Variants in CLEC16A observed in about 807,000 individuals in gnomAD.
The protein encoded by CLEC16A is C-type lectin domain containing 16A.
A neutral mutation model predicts 109.5 loss-of-function variants in CLEC16A; 51 were observed. That is an observed-to-expected ratio of 0.47 (90% CI 0.37 to 0.59). The LOEUF is 0.59. Among genes scored for constraint, CLEC16A ranks in the 20% least tolerant of loss-of-function variants. CLEC16A has a pLI of 0.00. For missense variants in CLEC16A, 1,339 were observed against 1,394.0 expected (o/e 0.96, Z 0.63); for synonymous variants, 673 against 564.2 (o/e 1.19, Z -2.73).
At chr16:11,093,952 G>C (rs2050458212) in intron 19 of CLEC16A, among the ~76,000 whole-genome samples, 1 of 152,208 alleles carries the variant, frequency 6.6e-6, no homozygotes, top group Non-Finnish European at 1.5e-5. Context: ...GGCTTGGTTA[G>C]AAGGGAGGAC....
chr16:10,946,647 A>G (rs1345885057), intron 1 of CLEC16A, among the ~76,000 whole-genome samples: 2 of 152,154 alleles, frequency 1.3e-5, no homozygotes, highest in African/African-American at 2.4e-5. Flanking sequence ...GCCGGCATCC[A>G]GGTACCTCCA....
chr16:11,022,379 C>G (rs558135652), intron 12 of CLEC16A, among the ~76,000 whole-genome samples: 121 of 120,330 alleles, frequency 1.0e-3, no homozygotes, highest in African/African-American at 3.8e-3. Context: ...CAGGATCCTA[C>G]TATGTTGCTC....
intron 13 of CLEC16A, chr16:11,027,587 C>A: frequency 6.4e-7 from 1 of 1,556,796 alleles, no homozygotes; most frequent in South Asian, 1.1e-5. Flanking sequence ...TGGAAGACCT[C>A]ATTCATGAAA....
chr16:11,142,214 A>G (rs906223561), intron 22 of CLEC16A, among the ~76,000 whole-genome samples: 3 of 152,208 alleles, frequency 2.0e-5, no homozygotes, highest in Non-Finnish European at 4.4e-5. Context: ...CTGCTAGGCC[A>G]TCGGACCCCC....
intron 22 of CLEC16A, among the ~76,000 whole-genome samples, chr16:11,155,082 T>C (rs934392330): frequency 3.9e-5 from 6 of 152,044 alleles, no homozygotes; most frequent in African/African-American, 1.4e-4. Flanking sequence ...GCCGGGATCA[T>C]GCCACTGCAC....
chr16:11,045,300 A>G (rs992967860), intron 16 of CLEC16A, among the ~76,000 whole-genome samples: 1 of 152,174 alleles, frequency 6.6e-6, no homozygotes, highest in Non-Finnish European at 1.5e-5. Context: ...GTGAGCTGAG[A>G]TCGCGCCACT....
intron 10 of CLEC16A, among the ~76,000 whole-genome samples, chr16:10,985,160 G>A (rs867253630): frequency 6.2e-4 from 87 of 139,872 alleles, no homozygotes; most frequent in African/African-American, 2.3e-3. Flanking sequence ...CTGAGATTGC[G>A]CCACTGCACT....
chr16:11,152,515 A>G (rs17763452), intron 22 of CLEC16A, among the ~76,000 whole-genome samples: 13,377 of 152,338 alleles, frequency 0.088, 618 homozygotes, highest in East Asian at 0.12. Context: ...GGTCCAGGAC[A>G]TTGACATCTG....
At chr16:11,080,964 T>C (rs568477074) in intron 19 of CLEC16A, among the ~76,000 whole-genome samples, 58 of 152,346 alleles carry the variant, frequency 3.8e-4, no homozygotes, top group African/African-American at 1.3e-3. Flanking sequence ...TGGGCATCTT[T>C]GGGGGCTATT....
At chr16:10,969,574 C>T (rs537655093) in intron 4 of CLEC16A, among the ~76,000 whole-genome samples, 1 of 152,274 alleles carries the variant, frequency 6.6e-6, no homozygotes, top group East Asian at 1.9e-4. Context: ...CCTTGAACTT[C>T]CGGGGCACAA....
intron 19 of CLEC16A, among the ~76,000 whole-genome samples, chr16:11,082,832 G>C (rs1232153724): frequency 6.6e-6 from 1 of 152,202 alleles, no homozygotes; most frequent in East Asian, 1.9e-4. Flanking sequence ...GTTTAGTTGT[G>C]TGTGGGCGTG....
At chr16:11,114,239 A>T (rs2051815102) in intron 19 of CLEC16A, among the ~76,000 whole-genome samples, 1 of 151,182 alleles carries the variant, frequency 6.6e-6, no homozygotes, top group African/African-American at 2.4e-5. Flanking sequence ...GCCTATGCAA[A>T]TCCTTCACGT....
intron 22 of CLEC16A, among the ~76,000 whole-genome samples, chr16:11,162,895 T>C (rs1030238435): frequency 3.3e-5 from 5 of 152,160 alleles, no homozygotes; most frequent in African/African-American, 9.7e-5. Context: ...AGGTGTGGAA[T>C]TGGTCAGATG....
chr16:11,006,634 G>A (rs1307723352), intron 11 of CLEC16A, among the ~76,000 whole-genome samples: 4 of 152,202 alleles, frequency 2.6e-5, no homozygotes, highest in African/African-American at 4.8e-5. Flanking sequence ...AAATACAGGA[G>A]TAAAAAAGGC....
intron 19 of CLEC16A, among the ~76,000 whole-genome samples, chr16:11,101,667 A>G (rs889387777): frequency 6.6e-6 from 1 of 152,212 alleles, no homozygotes; most frequent in African/African-American, 2.4e-5. Flanking sequence ...AATGACAAAA[A>G]TCCTTGCCCT....
At chr16:11,111,179 A>G (rs1044668478) in intron 19 of CLEC16A, among the ~76,000 whole-genome samples, 38 of 152,304 alleles carry the variant, frequency 2.5e-4, no homozygotes, top group Middle Eastern at 6.8e-3. Context: ...ACAATTATCT[A>G]TTGCTGAGTA....
At chr16:11,104,940 G>A (rs1414174862) in intron 19 of CLEC16A, among the ~76,000 whole-genome samples, 1 of 152,162 alleles carries the variant, frequency 6.6e-6, no homozygotes, top group Non-Finnish European at 1.5e-5. Flanking sequence ...CCTTGTTCCT[G>A]GGCTGCTGGG....
chr16:11,021,743 A>G (rs907777907), intron 12 of CLEC16A, among the ~76,000 whole-genome samples: 2 of 152,216 alleles, frequency 1.3e-5, no homozygotes, highest in African/African-American at 4.8e-5. Context: ...GCTGCAATGC[A>G]CTATGATTGC....
chr16:11,015,942 G>A (rs888033547), intron 11 of CLEC16A, among the ~76,000 whole-genome samples: 2 of 152,244 alleles, frequency 1.3e-5, no homozygotes, highest in African/African-American at 2.4e-5. Context: ...GCTGGGAGAC[G>A]AGGAGGAGGC....
Sources: allele counts gnomAD v4.1 joint callset (sites outside exome capture counted in the v4.1 genomes callset), GRCh38; gene constraint gnomAD v4.1.1; transcripts MANE v1.5; gene names NCBI Gene and HGNC (gene_info 2026-07-23, HGNC 2026-07-21).